Variants in PCNX1 observed in about 807,000 individuals in gnomAD.
The protein encoded by PCNX1 is pecanex 1.
PCNX1 carries 78 observed loss-of-function variants against 242.2 expected under a neutral mutation model. That is an observed-to-expected ratio of 0.32 (90% CI 0.27 to 0.39). PCNX1 has a LOEUF of 0.39. Ranked by LOEUF, PCNX1 falls within the 10% of genes least tolerant of loss-of-function variation. The pLI is 1.00. For missense variants in PCNX1, 2,581 were observed against 2,856.5 expected (o/e 0.90, Z 2.20); for synonymous variants, 1,024 against 1,032.9 (o/e 0.99, Z 0.17).
intron 24 of PCNX1, among the ~76,000 whole-genome samples, chr14:71,052,700 G>C (rs1169494838): frequency 2.0e-5 from 3 of 152,094 alleles, no homozygotes; most frequent in Non-Finnish European, 2.9e-5. Flanking sequence ...TATTTCTAAA[G>C]CTAAATTTTT....
rs118073855 is a variant in PCNX1, at chr14:70,965,204, C to T, written c.468+2873C>T. Reference sequence around the variant, plus strand: ...TTCTTTCTTTTCATTCCTCTCCTTACCTCCTTCTCTTTCCTTTTGTCACTT... The same window carrying T: ...TTCTTTCTTTTCATTCCTCTCCTTATCTCCTTCTCTTTCCTTTTGTCACTT... On this transcript the variant is annotated intron_variant, in intron 3 of 35. Coordinates refer to ENST00000304743, the MANE Select transcript of PCNX1 (RefSeq NM_014982.3). Among the ~76,000 whole-genome samples, 1,452 of 152,220 alleles carry T rather than the reference C, an allele frequency of 9.5e-3. 28 individuals carry two copies. Among genetic ancestry groups the T allele is most frequent in the African/African-American group, 0.033 (1,350 of 41,522 alleles).
At chr14:70,949,218 TATAG>T (rs2057634374) in intron 2 of PCNX1, among the ~76,000 whole-genome samples, 1 of 145,968 alleles carries the variant, frequency 6.9e-6, no homozygotes, top group Admixed American at 6.8e-5. Flanking sequence ...CACATGTATA[TATAG>T]ATATATGTAT....
At chr14:70,954,526 T>A (rs2057914755) in intron 2 of PCNX1, among the ~76,000 whole-genome samples, 1 of 152,192 alleles carries the variant, frequency 6.6e-6, no homozygotes, top group Non-Finnish European at 1.5e-5. Flanking sequence ...TCTCTCCATT[T>A]ATTTAGTCTT....
At chr14:71,059,219 C>G (rs1237049249) in intron 26 of PCNX1, among the ~76,000 whole-genome samples, 1 of 152,112 alleles carries the variant, frequency 6.6e-6, no homozygotes, top group African/African-American at 2.4e-5. Flanking sequence ...TTTTTATTCT[C>G]TGGTATTGAG....
At chr14:70,919,736 T>A (rs2056304295) in intron 1 of PCNX1, among the ~76,000 whole-genome samples, 1 of 43,196 alleles carries the variant, frequency 2.3e-5, no homozygotes, top group Non-Finnish European at 4.1e-5. Context: ...CCCCACCAAA[T>A]AGGAGATGCT....
chr14:70,918,481 ACTGAT>A (rs1476162860), intron 1 of PCNX1, among the ~76,000 whole-genome samples: 10 of 152,366 alleles, frequency 6.6e-5, no homozygotes, highest in African/African-American at 2.4e-4. Flanking sequence ...ATCAAAGATT[ACTGAT>A]TACAGATCAC....
intron 1 of PCNX1, among the ~76,000 whole-genome samples, chr14:70,938,653 T>C (rs2057107730): frequency 6.6e-6 from 1 of 152,214 alleles, no homozygotes; most frequent in African/African-American, 2.4e-5. Flanking sequence ...TAAAATGAGT[T>C]AGGGAGGATT....
chr14:70,938,582 A>C (rs1442095116), intron 1 of PCNX1, among the ~76,000 whole-genome samples: 2 of 152,212 alleles, frequency 1.3e-5, no homozygotes, highest in Admixed American at 6.5e-5. Flanking sequence ...ATATTGGTCT[A>C]AAATTCTCTT....
At chr14:70,919,038 A>C (rs1000644337) in intron 1 of PCNX1, among the ~76,000 whole-genome samples, 2 of 151,716 alleles carry the variant, frequency 1.3e-5, no homozygotes, top group Non-Finnish European at 2.9e-5. Context: ...GTGCCACCAC[A>C]ACTAGCTACT....
chr14:71,082,879 T>G (rs2061890900), intron 28 of PCNX1, among the ~76,000 whole-genome samples: 1 of 152,210 alleles, frequency 6.6e-6, no homozygotes, highest in African/African-American at 2.4e-5. Context: ...GTGAATTTGA[T>G]CCTATCATTA....
At position 70,998,390 on chromosome 14, in the gene PCNX1, A is replaced by T. The variant is rs372412899; in HGVS notation, c.2629+2465A>T. ...AGGAAAAAGTACTTGTATCATCTGT[A>T]TTCAGCAAGCAAAATTGTTAATCAT... On this transcript the variant is annotated intron_variant, in intron 8 of 35. Transcript: ENST00000304743. Among the ~76,000 whole-genome samples the T allele has an allele frequency of 1.5e-4, 23 of 152,312 alleles. No homozygotes were observed. The East Asian group carries it at 1.7e-3, about 11-fold the overall frequency.
chr14:71,088,182 T>C (rs2062040689), intron 28 of PCNX1, 148 bp from the exon 29 acceptor site: 1 of 432,392 alleles, frequency 2.3e-6, no homozygotes, highest in Admixed American at 3.5e-5. Flanking sequence ...TCATGCTTCA[T>C]TTCATACAGT....
intron 1 of PCNX1, among the ~76,000 whole-genome samples, chr14:70,925,129 C>T (rs1046431499): frequency 2.0e-5 from 3 of 152,078 alleles, no homozygotes; most frequent in Non-Finnish European, 2.9e-5. Flanking sequence ...GCTGGGATTA[C>T]AGGCGTGCGC....
At chr14:71,105,553 AT>A (rs59011941) in intron 33 of PCNX1, 113 bp downstream of exon 33, 69,429 of 594,520 alleles carry the variant, frequency 0.12, no homozygotes, top group South Asian at 0.17. Context: ...CAGAAATAGA[AT>A]TTTTTTTTTT....
intron 26 of PCNX1, among the ~76,000 whole-genome samples, chr14:71,068,691 GAACATATACATGCATATATGTA>G (rs2061517879): frequency 4.1e-5 from 5 of 122,668 alleles, no homozygotes; most frequent in African/African-American, 1.8e-4. Flanking sequence ...TTTTTTATGT[GAACATATACATGCATATATGTA>G]TGTATATATA....
At chr14:70,954,641 C>T (rs1374501599) in intron 2 of PCNX1, among the ~76,000 whole-genome samples, 1 of 152,036 alleles carries the variant, frequency 6.6e-6, no homozygotes, top group Non-Finnish European at 1.5e-5. Flanking sequence ...CCTAAAATGT[C>T]GCAGTTTATT....
intron 16 of PCNX1, chr14:71,031,817 G>T: frequency 6.7e-7 from 1 of 1,486,818 alleles, no homozygotes; most frequent in South Asian, 1.1e-5. Context: ...TTGGCAGCGA[G>T]GAGAGGGATG....
chr14:70,985,905 A>ATT (rs910562295), intron 6 of PCNX1, among the ~76,000 whole-genome samples: 1 of 147,756 alleles, frequency 6.8e-6, no homozygotes, highest in Admixed American at 6.8e-5. Context: ...AAAAGATTAA[A>ATT]TTTTTTTTTT....
At chr14:71,018,916 GAACTTC>G in intron 11 of PCNX1, 87 bp from the exon 12 acceptor site, 1 of 1,073,896 alleles carries the variant, frequency 9.3e-7, no homozygotes, top group Non-Finnish European at 1.3e-6. Context: ...GGCATACCAT[GAACTTC>G]ATATTTATGT....
Sources: gnomAD v4.1 joint callset for allele counts (sites outside exome capture counted in the v4.1 genomes callset) on GRCh38, gnomAD v4.1.1 for gene constraint, MANE v1.5 for transcripts, NCBI Gene and HGNC (gene_info 2026-07-23, HGNC 2026-07-21) for gene names.